The following TENM4 variants were observed in gnomAD, a reference collection of about 807,000 sequenced individuals.
TENM4 encodes the protein teneurin transmembrane protein 4.
A neutral mutation model predicts 243.3 loss-of-function variants in TENM4; 82 were observed. The ratio of observed to expected loss-of-function variants is 0.34; its 90% CI spans 0.28 to 0.40. TENM4 has a LOEUF of 0.40. TENM4 is among the 10% of genes least tolerant of loss of function. The pLI is 1.00. For missense variants in TENM4, 3,138 were observed against 3,673.3 expected (o/e 0.85, Z 3.77); for synonymous variants, 1,412 against 1,456.3 (o/e 0.97, Z 0.69).
intron 18 of TENM4, among the ~76,000 whole-genome samples, chr11:78,764,446 T>C (rs1221625707): frequency 6.6e-6 from 1 of 152,246 alleles, no homozygotes; most frequent in Non-Finnish European, 1.5e-5. Flanking sequence ...AATTGACTTG[T>C]TTATTTCTGT....
intron 12 of TENM4, among the ~76,000 whole-genome samples, chr11:78,850,519 C>T (rs1591070067): frequency 6.6e-6 from 1 of 152,298 alleles, no homozygotes; most frequent in East Asian, 1.9e-4. Context: ...TCATAGCTCA[C>T]AAGTAATGAT....
intron 2 of TENM4, among the ~76,000 whole-genome samples, chr11:79,271,288 C>T (rs1025642251): frequency 4.6e-5 from 7 of 152,142 alleles, no homozygotes; most frequent in African/African-American, 1.7e-4. Context: ...AAGAGATCAT[C>T]GAATGCTAAT....
At chr11:79,304,420 G>A (rs1340861962) in intron 1 of TENM4, among the ~76,000 whole-genome samples, 1 of 152,204 alleles carries the variant, frequency 6.6e-6, no homozygotes, top group African/African-American at 2.4e-5. Flanking sequence ...GGATGTCTGA[G>A]TAAAGATGAG....
intron 6 of TENM4, among the ~76,000 whole-genome samples, chr11:78,964,109 C>A (rs1240555933): frequency 1.4e-5 from 2 of 139,696 alleles, no homozygotes; most frequent in African/African-American, 2.8e-5. Context: ...GTGGTGTGAT[C>A]TTGGCTCACT....
At chr11:79,393,015 C>T (rs1433580617) in intron 1 of TENM4, among the ~76,000 whole-genome samples, 1 of 152,076 alleles carries the variant, frequency 6.6e-6, no homozygotes, top group African/African-American at 2.4e-5. Context: ...AGTGTCATTT[C>T]CCAAACCCCC....
chr11:78,856,675 A>C (rs1858688542), intron 10 of TENM4, among the ~76,000 whole-genome samples: 1 of 151,766 alleles, frequency 6.6e-6, no homozygotes, highest in Non-Finnish European at 1.5e-5. Context: ...TAATTTGTGT[A>C]TACATTGGAA....
chr11:78,793,101 C>T (rs745924031), intron 15 of TENM4, among the ~76,000 whole-genome samples: 58 of 152,300 alleles, frequency 3.8e-4, no homozygotes, highest in Non-Finnish European at 7.4e-4. Context: ...TGGGACCTAT[C>T]GCTGCTACGT....
At chr11:79,186,283 G>A (rs1863378772) in intron 3 of TENM4, among the ~76,000 whole-genome samples, 2 of 152,138 alleles carry the variant, frequency 1.3e-5, no homozygotes, top group African/African-American at 2.4e-5. Flanking sequence ...AGAGAAATGA[G>A]ACAGGAATCC....
chr11:79,239,154 A>G (rs113253233), intron 2 of TENM4, among the ~76,000 whole-genome samples: 10 of 152,346 alleles, frequency 6.6e-5, no homozygotes, highest in African/African-American at 2.2e-4. Flanking sequence ...AGGGCCCTCT[A>G]GGTGGGGCCA....
chr11:78,897,505 A>G (rs745824507), intron 7 of TENM4, among the ~76,000 whole-genome samples: 1 of 152,122 alleles, frequency 6.6e-6, no homozygotes, highest in Non-Finnish European at 1.5e-5. Context: ...AGAACTTAGA[A>G]CAGCACCTGG....
At chr11:79,197,710 A>G (rs999332279) in intron 3 of TENM4, among the ~76,000 whole-genome samples, 4 of 152,198 alleles carry the variant, frequency 2.6e-5, no homozygotes, top group Non-Finnish European at 4.4e-5. Flanking sequence ...GAAATAAGTT[A>G]GCAATTTTGG....
intron 1 of TENM4, among the ~76,000 whole-genome samples, chr11:79,418,488 C>A (rs1157617490): frequency 1.3e-5 from 2 of 152,222 alleles, no homozygotes; most frequent in African/African-American, 2.4e-5. Flanking sequence ...CTCTAAACGC[C>A]AATTCTGGCT....
intron 1 of TENM4, among the ~76,000 whole-genome samples, chr11:79,376,884 G>A (rs112790511): frequency 3.9e-4 from 59 of 152,300 alleles, no homozygotes; most frequent in Non-Finnish European, 7.8e-4. Flanking sequence ...GTGGTCGGCT[G>A]AATAATGGCT....
Position 79,374,639 on chromosome 11 carries a change from T to C in TENM4, c.-321+65870A>G, listed in dbSNP as rs1425048357. On this transcript the variant is annotated intron_variant, in intron 1 of 33. Transcript: ENST00000278550. Reference sequence around the variant, plus strand: ...GATATCACTAAGTCATGGTATAAGCTTGGTCAAAAAGTTTTCTAAAATTTG... The same window carrying C: ...GATATCACTAAGTCATGGTATAAGCCTGGTCAAAAAGTTTTCTAAAATTTG... Among the ~76,000 whole-genome samples, 3 of 152,034 alleles carry C rather than the reference T, an allele frequency of 2.0e-5. No individual in the cohort carries two copies. In the East Asian group the frequency reaches 5.8e-4, roughly 29 times the overall value.
chr11:78,824,302 T>C (rs1036663192), intron 12 of TENM4, among the ~76,000 whole-genome samples: 1 of 151,956 alleles, frequency 6.6e-6, no homozygotes, highest in Non-Finnish European at 1.5e-5. Context: ...TGGTGGAAGG[T>C]GAAGTGGGAG....
chr11:78,913,133 T>C (rs1478040816), intron 6 of TENM4, among the ~76,000 whole-genome samples: 1 of 152,208 alleles, frequency 6.6e-6, no homozygotes, highest in Non-Finnish European at 1.5e-5. Context: ...TTATATTGTG[T>C]TGTGTGACTG....
chr11:78,830,461 G>A (rs999166695), intron 12 of TENM4, among the ~76,000 whole-genome samples: 2 of 152,190 alleles, frequency 1.3e-5, no homozygotes, highest in Admixed American at 6.5e-5. Context: ...TGGTCTCAAG[G>A]CTTCAAAGGA....
At chr11:79,018,119 TGCC>T (rs1282961368) in intron 6 of TENM4, among the ~76,000 whole-genome samples, 1 of 152,166 alleles carries the variant, frequency 6.6e-6, no homozygotes, top group African/African-American at 2.4e-5. Flanking sequence ...AAAATCTTGT[TGCC>T]CAACTGAATG....
intron 4 of TENM4, among the ~76,000 whole-genome samples, chr11:79,082,412 G>A (rs560004013): frequency 1.3e-5 from 2 of 152,260 alleles, no homozygotes; most frequent in East Asian, 3.9e-4. Flanking sequence ...GGGGGGTTGT[G>A]ACTGGCAGTC....
Sources: allele counts gnomAD v4.1 joint callset (sites outside exome capture counted in the v4.1 genomes callset), GRCh38; gene constraint gnomAD v4.1.1; transcripts MANE v1.5; gene names NCBI Gene and HGNC (gene_info 2026-07-23, HGNC 2026-07-21).